KIF3B: variants seen among roughly 807,000 people sequenced by gnomAD.
The protein encoded by KIF3B is kinesin-like protein KIF3B.
Under a neutral mutation model 74.3 loss-of-function variants are expected in KIF3B, and 38 were observed. That is an observed-to-expected ratio of 0.51 (90% CI 0.39 to 0.67). The LOEUF (loss-of-function observed/expected upper bound fraction) is 0.67, where lower values mean the gene tolerates loss of function less well. Ranked by LOEUF, KIF3B falls within the 30% of genes least tolerant of loss-of-function variation. The probability of loss-of-function intolerance (pLI) is 0.00; values close to 1 mark genes in which losing one functional copy is unlikely to be tolerated. For synonymous variants in KIF3B, 326 were observed against 342.5 expected, an observed-to-expected ratio of 0.95 and a Z score of 0.53; for missense variants, 649 against 932.0, an observed-to-expected ratio of 0.70 and a Z score of 3.95.
chr20:32,296,676 C>T (rs2047718883), intron 1 of KIF3B, among the ~76,000 whole-genome samples: 1 of 152,052 alleles, frequency 6.6e-6, no homozygotes, highest in African/African-American at 2.4e-5. Context: ...TTAGGGAAAG[C>T]CAGTGTTGTT....
Position 32,310,948 on chromosome 20 carries a change from G to A in KIF3B, c.1171G>A (p.Gly391Arg). The change falls in exon 2 of 9, where the codon GGG becomes AGG. Residue 391 changes from glycine to arginine, a missense_variant. By Grantham distance (125) the Gly-to-Arg change is moderately radical. Transcript: ENST00000375712. This position sits in a 1 kb window ranked among gnomAD's most constrained non-coding sequence, Gnocchi z 6.5. ...GCGGAGGGAAGGTGGTGGCAGTGGT[G>A]GGGGTGGGGAAGAGGAGGAGGAGGA... Reference protein sequence around the residue: ...EKRREGGGSGGGGEEEEEEGE... With the variant: ...EKRREGGGSGRGGEEEEEEGE... The A allele has an allele frequency of 6.2e-7, 1 of 1,613,128 alleles. No homozygotes were observed. The highest frequency in any genetic ancestry group is 8.5e-7 in the Non-Finnish European group (1 of 1,179,252).
At chr20:32,322,824 ATATGTATATTTT>A in intron 5 of KIF3B, among the ~76,000 whole-genome samples, 18 of 66,876 alleles carry the variant, frequency 2.7e-4, no homozygotes, top group African/African-American at 1.2e-3. Context: ...ATATATATTT[ATATGTATATTTT>A]TATATATTTA....
chr20:32,326,643 T>A, intron 5 of KIF3B, 128 bp from the exon 6 acceptor site: 1 of 609,486 alleles, frequency 1.6e-6, no homozygotes. Flanking sequence ...AGGCCCATCG[T>A]ACTTGCTGAG....
chr20:32,321,376 C>T (rs962496909), intron 5 of KIF3B, among the ~76,000 whole-genome samples: 3 of 151,074 alleles, frequency 2.0e-5, no homozygotes, highest in African/African-American at 7.3e-5. Flanking sequence ...TTGCAGTGAG[C>T]TGAGATCATG....
intron 1 of KIF3B, among the ~76,000 whole-genome samples, chr20:32,281,196 T>C (rs914221619): frequency 6.6e-6 from 1 of 152,206 alleles, no homozygotes; most frequent in Non-Finnish European, 1.5e-5. Flanking sequence ...CTTATCTGTG[T>C]CCCTTCAAGG....
chr20:32,286,981 G>C (rs967590060), intron 1 of KIF3B, among the ~76,000 whole-genome samples: 4 of 152,178 alleles, frequency 2.6e-5, no homozygotes, highest in Non-Finnish European at 4.4e-5. Flanking sequence ...TGAAAAGACA[G>C]ACAGAATTAC....
chr20:32,292,583 G>GAAAAAATAA (rs2047697398), intron 1 of KIF3B, among the ~76,000 whole-genome samples: 1 of 71,822 alleles, frequency 1.4e-5, no homozygotes, highest in East Asian at 4.5e-4. Flanking sequence ...ACTAAAAATA[G>GAAAAAATAA]AAAAAAAAAA....
intron 1 of KIF3B, among the ~76,000 whole-genome samples, chr20:32,292,494 T>G (rs2047696740): frequency 6.6e-6 from 1 of 150,792 alleles, no homozygotes; most frequent in Admixed American, 6.6e-5. Context: ...TCCTAGCACT[T>G]TGGGAGGCTG....
At chr20:32,325,009 C>G (rs909814523) in intron 5 of KIF3B, among the ~76,000 whole-genome samples, 1 of 152,010 alleles carries the variant, frequency 6.6e-6, no homozygotes, top group Non-Finnish European at 1.5e-5. Flanking sequence ...CCAGCCTGGG[C>G]GACAAAGTGA....
rs79391303 is a variant in KIF3B at position 32,289,865 on chromosome 20, C to G, written c.-66+12100C>G. ...CTTTGGAGCCAGATGGACCTGGTTT[C>G]AGCTTGCTTTGCCACTTATTAACTC... On this transcript the variant is annotated intron_variant, in intron 1 of 8. Transcript: ENST00000375712. 2.1e-4 allele frequency among the ~76,000 whole-genome samples: 32 copies of G among 152,240 alleles called. 1 individual carries two copies. Among genetic ancestry groups the G allele is most frequent in the African/African-American group, 6.5e-4 (27 of 41,544 alleles).
intron 1 of KIF3B, among the ~76,000 whole-genome samples, chr20:32,306,059 C>T (rs750946222): frequency 3.5e-4 from 51 of 147,676 alleles, no homozygotes; most frequent in Non-Finnish European, 5.2e-4. Context: ...GCACTCCAGC[C>T]TGGTCAATAA....
intron 6 of KIF3B, 73 bp downstream of exon 6, chr20:32,326,957 T>C: frequency 5.1e-6 from 4 of 778,584 alleles, no homozygotes; most frequent in Non-Finnish European, 8.6e-6. Flanking sequence ...AAGAGCCCTC[T>C]GGTCAACAAA....
At position 32,327,294 on chromosome 20, in the gene KIF3B, A is replaced by G. The variant is rs556456753; in HGVS notation, c.1863-262A>G. Reference sequence around the variant, plus strand: ...GAAAGATGGGAGACACCTGGCAGGGATGCAGAGGTGGGGGGTGTTGACAGC... The same window carrying G: ...GAAAGATGGGAGACACCTGGCAGGGGTGCAGAGGTGGGGGGTGTTGACAGC... On this transcript the variant is annotated intron_variant, in intron 6 of 8. Transcript: ENST00000375712. Among the ~76,000 whole-genome samples the G allele has an allele frequency of 4.7e-4, 71 of 152,242 alleles. No homozygotes were observed. In the South Asian group the frequency reaches 0.012, roughly 25 times the overall value.
At chr20:32,298,265 A>G (rs1048586069) in intron 1 of KIF3B, among the ~76,000 whole-genome samples, 1 of 151,908 alleles carries the variant, frequency 6.6e-6, no homozygotes, top group Non-Finnish European at 1.5e-5. Context: ...GCAAAAACCC[A>G]GCCCTACAAA....
rs2122727171 is a variant in KIF3B at position 32,334,708 on chromosome 20, G to C, written c.*3389G>C. 1 of 152,294 alleles carries C rather than the reference G, an allele frequency of 6.6e-6. No homozygotes were observed. The highest frequency in any genetic ancestry group is 2.1e-4 in the South Asian group (1 of 4,818). The allele number at this position is 152,294 out of a possible 1,614,324, so 9.4% of individuals were successfully genotyped here. A position where few individuals can be genotyped will look rare whatever the true frequency, so the allele number is the denominator to read the frequency against. ...ATCACGCAAGGCTTTGTTTTGTACT[G>C]TTCAGAAATCTGTCACCTTTCTGCC... On this transcript the variant is annotated 3_prime_UTR_variant, in exon 9 of 9. Transcript: ENST00000375712.
At chr20:32,305,356 T>C (rs1340969475) in intron 1 of KIF3B, among the ~76,000 whole-genome samples, 1 of 151,766 alleles carries the variant, frequency 6.6e-6, no homozygotes, top group African/African-American at 2.4e-5. Flanking sequence ...AAAGCGAGAC[T>C]GTCTTTTAAA....
rs1475326461 is a variant in KIF3B, at chr20:32,331,245, G to A, written c.2170G>A (p.Gly724Arg). 11 of 1,613,180 alleles carry A rather than the reference G, an allele frequency of 6.8e-6. No individual in the cohort carries two copies. Among genetic ancestry groups the A allele is most frequent in the Non-Finnish European group, 9.3e-6 (11 of 1,179,772 alleles). ...CAGGCCTAAAAGTGGAAGGAAGTCG[G>A]GATCCTCCTCCTCTTCCTCAGGAAC... is the stretch of plus-strand genomic sequence containing the variant. ...KARPKSGRKSGSSSSSSGTPA... is the reference protein window; with the variant it reads ...KARPKSGRKSRSSSSSSGTPA... Residue 724 changes from glycine to arginine, a missense_variant, in exon 9 of 9, where the codon GGA becomes AGA. By Grantham distance (125) the Gly-to-Arg change is moderately radical. This residue lies in a region of KIF3B where 186 missense variants were observed against 198.5 expected (regional missense o/e 0.94). Coordinates refer to ENST00000375712, the MANE Select transcript of KIF3B (RefSeq NM_004798.4).
intron 1 of KIF3B, among the ~76,000 whole-genome samples, chr20:32,301,862 C>A (rs1449471704): frequency 6.6e-6 from 1 of 152,176 alleles, no homozygotes; most frequent in African/African-American, 2.4e-5. Context: ...TGAATCTAAA[C>A]ACAAAAGAGT....
chr20:32,309,661 C>T, intron 1 of KIF3B, 52 bp from the exon 2 acceptor site: 1 of 1,147,910 alleles, frequency 8.7e-7, no homozygotes, highest in South Asian at 1.6e-5. Flanking sequence ...TTCTGTCAGG[C>T]AGGCTGCAAT....
Sources: allele counts gnomAD v4.1 joint callset (sites outside exome capture counted in the v4.1 genomes callset), GRCh38; gene constraint gnomAD v4.1.1; regional missense constraint gnomAD v4.1.1; non-coding constraint Gnocchi (gnomAD v3.1); transcripts MANE v1.5; gene names NCBI Gene and HGNC (gene_info 2026-07-23, HGNC 2026-07-21).